ZNF98: variants seen among roughly 807,000 people sequenced by gnomAD.
ZNF98 encodes zinc finger protein 739.
Under a neutral mutation model 12.8 loss-of-function variants are expected in ZNF98, and 8 were observed. The ratio of observed to expected loss-of-function variants is 0.63; its 90% CI spans 0.37 to 1.13. The LOEUF is 1.13. Among genes scored for constraint, ZNF98 ranks in the 50% most tolerant of loss-of-function variants. ZNF98 has a pLI of 0.01. For synonymous variants in ZNF98, 112 were observed against 223.5 expected, an observed-to-expected ratio of 0.50 and a Z score of 4.45; for missense variants, 379 against 666.1, an observed-to-expected ratio of 0.57 and a Z score of 4.74.
At chr19:22,422,123 G>A (rs1383284926) in intron 1 of ZNF98, 72 bp downstream of exon 1, 12 of 1,593,376 alleles carry the variant, frequency 7.5e-6, no homozygotes, top group African/African-American at 2.7e-5. Context: ...CCTGAGTCCC[G>A]CCACAGCCTC....
Position 22,392,960 on chromosome 19 carries a change from T to C in ZNF98, c.275A>G (p.Gln92Arg), listed in dbSNP as rs1360808352. The change falls in exon 4 of 4, where the codon CAA becomes CGA. Residue 92 changes from glutamine (Q) to arginine (R), a missense_variant. Gln to Arg is a conservative substitution (Grantham distance 43). Coordinates refer to ENST00000357774, the MANE Select transcript of ZNF98 (RefSeq NM_001098626.2). Reference protein sequence around the residue: ...EPPVVYSYFAQDLWPKQGKKN... With the variant: ...EPPVVYSYFARDLWPKQGKKN... ...TTTGCCCTGCTTTGGCCAAAGGTCTTGGGCAAAATAAGAATATACAACTGA... is the reference window on the plus strand; with the variant it reads ...TTTGCCCTGCTTTGGCCAAAGGTCTCGGGCAAAATAAGAATATACAACTGA... The C allele has an allele frequency of 2.0e-5, 31 of 1,540,496 alleles. No homozygotes were observed. In the Admixed American group the frequency reaches 2.2e-4, roughly 11 times the overall value.
chr19:22,393,115 CA>C, intron 3 of ZNF98, 134 bp from the exon 4 acceptor site: 1 of 953,824 alleles, frequency 1.0e-6, no homozygotes, highest in Non-Finnish European at 1.5e-6. Context: ...CTAACATTTT[CA>C]CAGACATATA....
chr19:22,407,812 T>C (rs1194594234), intron 1 of ZNF98, among the ~76,000 whole-genome samples: 1 of 151,916 alleles, frequency 6.6e-6, no homozygotes, highest in Non-Finnish European at 1.5e-5. Flanking sequence ...AGCTCACGCC[T>C]GTAATCCGCC....
intron 2 of ZNF98, 80 bp from the exon 3 acceptor site, chr19:22,402,964 A>T: frequency 7.3e-7 from 1 of 1,373,324 alleles, no homozygotes. Flanking sequence ...AAAAGGATGT[A>T]ATAGAATATT....
chr19:22,395,900 GAAT>G (rs1430139115), intron 3 of ZNF98, among the ~76,000 whole-genome samples: 3 of 149,488 alleles, frequency 2.0e-5, no homozygotes, highest in Non-Finnish European at 3.0e-5. Context: ...ATCAAGTTGA[GAAT>G]AATACCATCA....
chr19:22,412,241 G>C (rs1034176141), intron 1 of ZNF98, among the ~76,000 whole-genome samples: 2 of 152,052 alleles, frequency 1.3e-5, no homozygotes, highest in Non-Finnish European at 2.9e-5. Context: ...GCCACAGCTT[G>C]ATAAAAAAGT....
At chr19:22,411,457 T>C (rs532785291) in intron 1 of ZNF98, among the ~76,000 whole-genome samples, 2 of 152,360 alleles carry the variant, frequency 1.3e-5, no homozygotes, top group Non-Finnish European at 2.9e-5. Context: ...TAAATTTAAT[T>C]CTACCTTTGT....
chr19:22,420,354 A>C (rs1330518958), intron 1 of ZNF98, among the ~76,000 whole-genome samples: 1 of 152,032 alleles, frequency 6.6e-6, no homozygotes, highest in Non-Finnish European at 1.5e-5. Flanking sequence ...GTACTATCTC[A>C]CTGAAGTCAG....
chr19:22,400,819 G>T (rs1484992144), intron 3 of ZNF98, among the ~76,000 whole-genome samples: 2 of 149,510 alleles, frequency 1.3e-5, no homozygotes, highest in East Asian at 3.9e-4. Context: ...CAGGCATGGT[G>T]GCACGCACCT....
At position 22,391,697 on chromosome 19, in the gene ZNF98, G is replaced by C; in HGVS notation, c.1538C>G (p.Thr513Ser). 1 of 1,614,042 alleles carries C rather than the reference G, an allele frequency of 6.2e-7. No homozygotes were observed. Among genetic ancestry groups the C allele is most frequent in the Non-Finnish European group, 8.5e-7 (1 of 1,179,952 alleles). The change falls in exon 4 of 4, where the codon ACT becomes AGT. Residue 513 changes from threonine to serine, a missense_variant. Thr to Ser is a moderately conservative substitution (Grantham distance 58). This residue lies in a region of ZNF98 where 59 missense variants were observed against 50.3 expected (regional missense o/e 1.17). Transcript: ENST00000357774. ...TTCACACTTGTAGGGTTTCTCTCCAGTATGAATCATCTTATGTGTAGTAAG... is the reference window on the plus strand; with the variant it reads ...TTCACACTTGTAGGGTTTCTCTCCACTATGAATCATCTTATGTGTAGTAAG... Reference protein sequence around the residue: ...SHLTTHKMIHTGEKPYKCEEC... With the variant: ...SHLTTHKMIHSGEKPYKCEEC...
At chr19:22,421,738 C>T (rs1406343934) in intron 1 of ZNF98, among the ~76,000 whole-genome samples, 2 of 152,136 alleles carry the variant, frequency 1.3e-5, no homozygotes, top group Non-Finnish European at 2.9e-5. Context: ...ATTTTTGAAC[C>T]GCTCCTTGTT....
In ZNF98 at chr19:22,397,632, T is replaced by C. The variant is rs538846444; in HGVS notation, c.254-4651A>G. 2.1e-4 allele frequency among the ~76,000 whole-genome samples: 31 copies of C among 146,338 alleles called. No homozygotes were observed. In the East Asian group the frequency reaches 5.9e-3, roughly 28 times the overall value. On this transcript the variant is annotated intron_variant, in intron 3 of 3. Transcript: ENST00000357774. ...TGAAAAATTAACAAATATATAGAAA[T>C]TAAACAACACACTCTTGAGCATGCT...
chr19:22,413,325 C>A (rs1181716055), intron 1 of ZNF98, among the ~76,000 whole-genome samples: 1 of 152,062 alleles, frequency 6.6e-6, no homozygotes, highest in African/African-American at 2.4e-5. Flanking sequence ...TGACATAATG[C>A]CGTACCTGAA....
intron 1 of ZNF98, among the ~76,000 whole-genome samples, chr19:22,407,537 C>T (rs1040218505): frequency 4.7e-5 from 7 of 149,632 alleles, no homozygotes; most frequent in Non-Finnish European, 1.0e-4. Context: ...CATGGTGAAA[C>T]ACTATCTCTA....
At chr19:22,420,570 A>G (rs999937805) in intron 1 of ZNF98, among the ~76,000 whole-genome samples, 1 of 152,120 alleles carries the variant, frequency 6.6e-6, no homozygotes, top group Admixed American at 6.6e-5. Flanking sequence ...GGAAGAGTAC[A>G]CCAAGAGATT....
At chr19:22,399,377 T>C (rs1190663416) in intron 3 of ZNF98, among the ~76,000 whole-genome samples, 2 of 152,138 alleles carry the variant, frequency 1.3e-5, no homozygotes, top group Non-Finnish European at 1.5e-5. Context: ...CATTTCTAAG[T>C]TTTAAATATA....
chr19:22,419,048 A>G (rs915777778), intron 1 of ZNF98, among the ~76,000 whole-genome samples: 2 of 152,134 alleles, frequency 1.3e-5, no homozygotes, highest in Admixed American at 6.5e-5. Flanking sequence ...GTTCGAGGTA[A>G]AACATTAATC....
intron 1 of ZNF98, 21 bp downstream of exon 1, chr19:22,422,174 T>C (rs1969712150): frequency 6.2e-7 from 1 of 1,612,814 alleles, no homozygotes; most frequent in Non-Finnish European, 8.5e-7. Context: ...TCTCTAGGGA[T>C]GTCGGACTCG....
At chr19:22,393,262 G>A (rs1186505422) in intron 3 of ZNF98, among the ~76,000 whole-genome samples, 1 of 152,182 alleles carries the variant, frequency 6.6e-6, no homozygotes, top group African/African-American at 2.4e-5. Flanking sequence ...AGATCTTCCT[G>A]CTTCCCTATA....
Sources: allele counts gnomAD v4.1 joint callset (sites outside exome capture counted in the v4.1 genomes callset), GRCh38; gene constraint gnomAD v4.1.1; regional missense constraint gnomAD v4.1.1; transcripts MANE v1.5; gene names NCBI Gene and HGNC (gene_info 2026-07-23, HGNC 2026-07-21).